NXPH1: variants seen among roughly 807,000 people sequenced by gnomAD.
NXPH1 encodes the protein neurexophilin 1.
In NXPH1, 5 loss-of-function variants were observed where a neutral mutation model predicts 23.7. That is an observed-to-expected ratio of 0.21 (90% CI 0.11 to 0.44). The LOEUF (loss-of-function observed/expected upper bound fraction) is 0.44, where lower values mean the gene tolerates loss of function less well. Ranked by LOEUF, NXPH1 falls within the 20% of genes least tolerant of loss-of-function variation. The probability of loss-of-function intolerance (pLI) is 0.99; values close to 1 mark genes in which losing one functional copy is unlikely to be tolerated. For synonymous variants in NXPH1, 144 were observed against 122.2 expected, an observed-to-expected ratio of 1.18 and a Z score of -1.18; for missense variants, 324 against 321.6, an observed-to-expected ratio of 1.01 and a Z score of -0.06.
At chr7:8,649,274 G>A (rs1382176895) in intron 2 of NXPH1, among the ~76,000 whole-genome samples, 1 of 151,852 alleles carries the variant, frequency 6.6e-6, no homozygotes, top group Non-Finnish European at 1.5e-5. Context: ...CTTATTTTGT[G>A]CTGTTTTTCA....
At chr7:8,715,530 T>C (rs1391625504) in intron 2 of NXPH1, among the ~76,000 whole-genome samples, 3 of 152,188 alleles carry the variant, frequency 2.0e-5, no homozygotes, top group Admixed American at 2.0e-4. Context: ...GAATCTGAAC[T>C]CTTGGCTCTT....
At chr7:8,731,074 G>C (rs968907636) in intron 2 of NXPH1, among the ~76,000 whole-genome samples, 9 of 150,098 alleles carry the variant, frequency 6.0e-5, no homozygotes, top group Admixed American at 1.3e-4. Flanking sequence ...TTCCCTTCTC[G>C]CTTCATTTCA....
chr7:8,625,058 A>G (rs892947503), intron 2 of NXPH1, among the ~76,000 whole-genome samples: 9 of 152,132 alleles, frequency 5.9e-5, no homozygotes, highest in Admixed American at 5.9e-4. Context: ...GTCCCAATCC[A>G]TATTGTAGTG....
At chr7:8,648,877 T>G (rs1283387121) in intron 2 of NXPH1, among the ~76,000 whole-genome samples, 6 of 152,088 alleles carry the variant, frequency 3.9e-5, no homozygotes, top group Non-Finnish European at 8.8e-5. Flanking sequence ...AAATTTTTGT[T>G]TTATATAAGT....
At chr7:8,717,256 GA>G (rs527569453) in intron 2 of NXPH1, among the ~76,000 whole-genome samples, 1 of 151,620 alleles carries the variant, frequency 6.6e-6, no homozygotes, top group African/African-American at 2.4e-5. Flanking sequence ...CTGATTTTAA[GA>G]AAAAAAATGT....
intron 2 of NXPH1, among the ~76,000 whole-genome samples, chr7:8,450,745 T>G (rs1381445070): frequency 6.6e-6 from 1 of 152,250 alleles, no homozygotes; most frequent in Non-Finnish European, 1.5e-5. Context: ...AAAATGTAAA[T>G]AAAATTGCTT....
At chr7:8,663,683 C>T (rs1361841410) in intron 2 of NXPH1, among the ~76,000 whole-genome samples, 1 of 152,064 alleles carries the variant, frequency 6.6e-6, no homozygotes, top group Non-Finnish European at 1.5e-5. Flanking sequence ...TTAAGAAGTA[C>T]ATTAATTACT....
intron 2 of NXPH1, among the ~76,000 whole-genome samples, chr7:8,706,308 T>A (rs1270925381): frequency 6.6e-6 from 1 of 152,220 alleles, no homozygotes; most frequent in African/African-American, 2.4e-5. Flanking sequence ...TGTGGAAGAA[T>A]ATGTTAGAGA....
chr7:8,553,627 T>C (rs1450018497), intron 2 of NXPH1, among the ~76,000 whole-genome samples: 1 of 151,584 alleles, frequency 6.6e-6, no homozygotes, highest in Non-Finnish European at 1.5e-5. Context: ...TTAGAATATA[T>C]GTGGCAGTAA....
intron 2 of NXPH1, among the ~76,000 whole-genome samples, chr7:8,659,782 C>T (rs5029275): frequency 0.73 from 110,864 of 152,062 alleles, 40,866 homozygotes; most frequent in East Asian, 1. Flanking sequence ...TGAATATAAC[C>T]TAGAAATGCA....
intron 2 of NXPH1, among the ~76,000 whole-genome samples, chr7:8,539,152 A>C (rs947732854): frequency 2.0e-5 from 3 of 151,876 alleles, no homozygotes; most frequent in Non-Finnish European, 4.4e-5. Context: ...GAAGATGGGT[A>C]GGTGGAAGGG....
intron 2 of NXPH1, among the ~76,000 whole-genome samples, chr7:8,717,882 TTCTC>T (rs1041957233): frequency 3.6e-4 from 39 of 109,580 alleles, no homozygotes; most frequent in African/African-American, 1.6e-3. Flanking sequence ...GGGTGTATTC[TTCTC>T]TCTGTGTGTA....
intron 2 of NXPH1, among the ~76,000 whole-genome samples, chr7:8,502,065 A>G (rs1817446143): frequency 6.6e-6 from 1 of 151,908 alleles, no homozygotes; most frequent in Non-Finnish European, 1.5e-5. Context: ...GAGCTGGGAG[A>G]TCTGAGATCT....
intron 2 of NXPH1, among the ~76,000 whole-genome samples, chr7:8,681,694 T>G (rs1320005992): frequency 6.6e-6 from 1 of 152,232 alleles, no homozygotes; most frequent in Non-Finnish European, 1.5e-5. Flanking sequence ...AAATGAAATC[T>G]TAATTATTAT....
At chr7:8,678,322 C>T (rs933501428) in intron 2 of NXPH1, among the ~76,000 whole-genome samples, 1 of 152,194 alleles carries the variant, frequency 6.6e-6, no homozygotes, top group African/African-American at 2.4e-5. Flanking sequence ...TATATAAATT[C>T]ACATCTTTCC....
intron 2 of NXPH1, among the ~76,000 whole-genome samples, chr7:8,656,953 A>G (rs1240281887): frequency 1.3e-5 from 2 of 152,186 alleles, no homozygotes; most frequent in Non-Finnish European, 2.9e-5. Flanking sequence ...TTCTTCAGCA[A>G]TGGATTTTTT....
At chr7:8,446,385 T>A (rs1816403977) in intron 2 of NXPH1, among the ~76,000 whole-genome samples, 1 of 152,156 alleles carries the variant, frequency 6.6e-6, no homozygotes, top group African/African-American at 2.4e-5. Context: ...ACTTACCAGA[T>A]ACAAAGAAAT....
chr7:8,490,919 T>C (rs1584190493), intron 2 of NXPH1, among the ~76,000 whole-genome samples: 1 of 152,102 alleles, frequency 6.6e-6, no homozygotes, highest in East Asian at 1.9e-4. Flanking sequence ...GGGTTATTTT[T>C]ACAAAATGCA....
chr7:8,527,940 A>G (rs1817891169), intron 2 of NXPH1, among the ~76,000 whole-genome samples: 1 of 152,230 alleles, frequency 6.6e-6, no homozygotes, highest in Non-Finnish European at 1.5e-5. Flanking sequence ...ATCTATTTCT[A>G]ATTGATCATT....
Sources: allele counts gnomAD v4.1 joint callset (sites outside exome capture counted in the v4.1 genomes callset), GRCh38; gene constraint gnomAD v4.1.1; transcripts MANE v1.5; gene names NCBI Gene and HGNC (gene_info 2026-07-23, HGNC 2026-07-21).